The following MMP1 variants were observed in gnomAD, a reference collection of about 807,000 sequenced individuals.
MMP1 encodes the protein matrix metallopeptidase 1.
A neutral mutation model predicts 49.6 loss-of-function variants in MMP1; 51 were observed. The observed-to-expected ratio is 1.03, with a 90% CI of 0.82 to 1.30. MMP1 has a LOEUF of 1.30. Ranked by LOEUF, MMP1 falls within the 50% of genes most tolerant of loss-of-function variation. The pLI is 0.00. For missense variants in MMP1, 623 were observed against 568.7 expected, an observed-to-expected ratio of 1.10 and a Z score of -0.97; for synonymous variants, 230 against 196.8, an observed-to-expected ratio of 1.17 and a Z score of -1.41.
At position 102,794,865 on chromosome 11, in the gene MMP1, A is replaced by C. The variant is rs1029418370; in HGVS notation, c.899+309T>G. On this transcript the variant is annotated intron_variant, in intron 6 of 9. Coordinates refer to ENST00000315274, the MANE Select transcript of MMP1 (RefSeq NM_002421.4). The surrounding 1 kb of genome is among the most constrained non-coding windows in gnomAD (Gnocchi z 4.3). ...GAAGACCAATAACTGCTCTGCTACCAATGAGCTCTATGCCCCCAAAAGATC... is the reference window on the plus strand; with the variant it reads ...GAAGACCAATAACTGCTCTGCTACCCATGAGCTCTATGCCCCCAAAAGATC... 6.6e-6 allele frequency among the ~76,000 whole-genome samples: 1 copy of C among 152,206 alleles called. No individual in the cohort carries two copies. Among genetic ancestry groups the C allele is most frequent in the Non-Finnish European group, 1.5e-5 (1 of 68,032 alleles).
rs1857989873 is a variant in MMP1, at chr11:102,790,353, T to C, written c.*59A>G. On this transcript the variant is annotated 3_prime_UTR_variant, in exon 10 of 10. Coordinates refer to ENST00000315274, the MANE Select transcript of MMP1 (RefSeq NM_002421.4). ...AAATGACTGAGAAAATAGACAGTTCTTCAGGAAAACACCTTCTTTGGACTC... is the reference window on the plus strand; with the variant it reads ...AAATGACTGAGAAAATAGACAGTTCCTCAGGAAAACACCTTCTTTGGACTC... The C allele has an allele frequency of 1.0e-6, 1 of 1,003,478 alleles. No homozygotes were observed. 62.2% of individuals were successfully genotyped at this position (1,003,478 alleles called of 1,614,324 possible).
chr11:102,797,524 C>G, intron 1 of MMP1, 24 bp from the exon 2 acceptor site: 1 of 1,612,442 alleles, frequency 6.2e-7, no homozygotes, highest in Non-Finnish European at 8.5e-7. Context: ...ATTATCGAAA[C>G]ACTGCATGGG....
At chr11:102,791,542 A>G (rs777784065) in intron 7 of MMP1, 47 bp from the exon 8 acceptor site, 71 of 1,595,994 alleles carry the variant, frequency 4.4e-5, no homozygotes, top group Non-Finnish European at 5.7e-5. Flanking sequence ...AGACTTCAAT[A>G]GGCAGTAAGT....
Position 102,796,663 on chromosome 11 carries a change from C to T in MMP1, c.625+1G>A. On this transcript the variant is annotated splice_donor_variant, in intron 4 of 9. Transcript: ENST00000315274. LOFTEE classifies it high-confidence loss of function. ...GAGAGAGGCAAATTTGATTGGCTTA[C>T]CTCTGAAATTGTTGGTCCACCTTTC... 6.2e-7 allele frequency: 1 copy of T among 1,613,074 alleles called. No individual in the cohort carries two copies. The highest frequency in any genetic ancestry group is 8.5e-7 in the Non-Finnish European group (1 of 1,179,586).
chr11:102,795,496 A>T lies in MMP1; in HGVS notation c.737T>A (p.Val246Asp), dbSNP rs755625810. 2 of 1,614,106 alleles carry T rather than the reference A, an allele frequency of 1.2e-6. No individual in the cohort carries two copies. Among genetic ancestry groups the T allele is most frequent in the Non-Finnish European group, 1.7e-6 (2 of 1,180,020 alleles). ...ATCAATGTCATCCTGAGCTAGCTGA[A>T]CATCACCACTGAAGGTGTAGCTAGG... The part of the protein sequence containing the change: ...MYPSYTFSGD[V>D]QLAQDDIDGI... The change falls in exon 5 of 10, where the codon GTT becomes GAT. Residue 246 changes from valine to aspartate, a missense_variant. By Grantham distance (152) the Val-to-Asp change is radical. Coordinates refer to ENST00000315274, the MANE Select transcript of MMP1 (RefSeq NM_002421.4).
At chr11:102,790,657 A>T in intron 9 of MMP1, 46 bp downstream of exon 9, 2 of 1,406,818 alleles carry the variant, frequency 1.4e-6, no homozygotes, top group Non-Finnish European at 2.0e-6. Context: ...TAATGATGTT[A>T]TTGCTACGGC....
Position 102,797,476 on chromosome 11 carries a change from G to A in MMP1, c.130C>T (p.Leu44=). The A allele has an allele frequency of 6.2e-7, 1 of 1,614,130 alleles. No individual in the cohort carries two copies. Among genetic ancestry groups the A allele is most frequent in the Non-Finnish European group, 8.5e-7 (1 of 1,180,020 alleles). ...TCAACTTGCCTCCCATCATTCTTCA[G>A]GTTGTAGTATTTTTCCAGGTATTTC... The part of the protein sequence containing the change: ...VQKYLEKYYN[L]KNDGRQVEKR... Residue 44 remains leucine, a synonymous_variant, in exon 2 of 10, where the codon CTG becomes TTG. Coordinates refer to ENST00000315274, the MANE Select transcript of MMP1 (RefSeq NM_002421.4).
Position 102,791,437 on chromosome 11 carries a change from G to A in MMP1, c.1092C>T (p.Ile364=). The part of the protein sequence containing the change: ...QNVLHGYPKD[I]YSSFGFPRTV... ...TTCTAGGGAAGCCAAAGGAGCTGTA[G>A]ATGTCCTTGGGGTATCCGTGTAGCA... Residue 364 remains isoleucine (I), a synonymous_variant, in exon 8 of 10, where the codon ATC becomes ATT. Coordinates refer to ENST00000315274, the MANE Select transcript of MMP1 (RefSeq NM_002421.4). 6.2e-7 allele frequency: 1 copy of A among 1,614,016 alleles called. No homozygotes were observed. The highest frequency in any genetic ancestry group is 8.5e-7 in the Non-Finnish European group (1 of 1,179,872).
Position 102,791,446 on chromosome 11 carries a change from G to C in MMP1, c.1083C>G (p.Pro361=). Residue 361 remains proline (P), a synonymous_variant, in exon 8 of 10, where the codon CCC becomes CCG. Transcript: ENST00000315274. ...VQGQNVLHGY[P]KDIYSSFGFP... ...AGCCAAAGGAGCTGTAGATGTCCTTGGGGTATCCGTGTAGCACATTCTGTC... is the reference window on the plus strand; with the variant it reads ...AGCCAAAGGAGCTGTAGATGTCCTTCGGGTATCCGTGTAGCACATTCTGTC... 6.2e-7 allele frequency: 1 copy of C among 1,613,984 alleles called. No homozygotes were observed.
At chr11:102,791,156 G>A (rs1304905268) in intron 8 of MMP1, among the ~76,000 whole-genome samples, 177 bp downstream of exon 8, 1 of 152,188 alleles carries the variant, frequency 6.6e-6, no homozygotes, top group Admixed American at 6.5e-5. Flanking sequence ...GATTCCCAGT[G>A]CAGGCATTGT....
rs201210902 is a variant in MMP1, at chr11:102,791,492, T to G, written c.1037A>C (p.Asn346Thr). The G allele has an allele frequency of 1.1e-4, 183 of 1,612,040 alleles. No individual in the cohort carries two copies. The highest frequency in any genetic ancestry group is 9.9e-4 in the Middle Eastern group (6 of 6,072). ...CTGTCCCTGAACAGCCCAGTACTTATTCCCTGCCAATCAAGAAAGAGTGAT... is the reference window on the plus strand; with the variant it reads ...CTGTCCCTGAACAGCCCAGTACTTAGTCCCTGCCAATCAAGAAAGAGTGAT... ...DRDEVRFFKGNKYWAVQGQNV... is the reference protein window; with the variant it reads ...DRDEVRFFKGTKYWAVQGQNV... The change falls in exon 8 of 10, where the codon AAT becomes ACT. Residue 346 changes from asparagine (N) to threonine (T), a missense_variant. By Grantham distance (65) the Asn-to-Thr change is moderately conservative. Coordinates refer to ENST00000315274, the MANE Select transcript of MMP1 (RefSeq NM_002421.4).
intron 4 of MMP1, among the ~76,000 whole-genome samples, chr11:102,796,182 G>A (rs1039265568): frequency 1.6e-4 from 24 of 152,218 alleles, no homozygotes; most frequent in African/African-American, 4.3e-4. Context: ...AACTCCTGAC[G>A]TTGTGATCTG....
At position 102,792,601 on chromosome 11, in the gene MMP1, T is replaced by C. The variant is rs1210292312; in HGVS notation, c.1033+4A>G. On this transcript the variant is annotated splice_donor_region_variant and intron_variant, in intron 7 of 9. Transcript: ENST00000315274. Reference sequence around the variant, plus strand: ...AAGCAGTGAAAAATAATTAGAAAGATTACCTTTGAAAAACCGGACTTCATC... The same window carrying C: ...AAGCAGTGAAAAATAATTAGAAAGACTACCTTTGAAAAACCGGACTTCATC... 8.1e-6 allele frequency: 13 copies of C among 1,613,032 alleles called. No homozygotes were observed. Among genetic ancestry groups the C allele is most frequent in the Admixed American group, 1.7e-5 (1 of 59,942 alleles).
Position 102,790,496 on chromosome 11 carries a change from T to C in MMP1, c.1326A>G (p.Thr442=), listed in dbSNP as rs1857994706. The change falls in exon 10 of 10, where the codon ACA becomes ACG. Residue 442 remains threonine (T), a synonymous_variant. Coordinates refer to ENST00000315274, the MANE Select transcript of MMP1 (RefSeq NM_002421.4). ...TTTTAGGATCAAATTTGTATTGTCT[T>C]GTTCCATGAAAGAAATAGAAAAATC... is the stretch of plus-strand genomic sequence containing the variant. ...KDGFFYFFHG[T]RQYKFDPKTK... is the part of the protein sequence containing the mutation. 2 of 1,605,436 alleles carry C rather than the reference T, an allele frequency of 1.2e-6. No homozygotes were observed. The highest frequency in any genetic ancestry group is 8.5e-7 in the Non-Finnish European group (1 of 1,174,976).
At position 102,795,749 on chromosome 11, in the gene MMP1, T is replaced by C. The variant is rs1458373897; in HGVS notation, c.626-142A>G. Reference sequence around the variant, plus strand: ...TTGAAATATATGCATGTATATCTTTTTTCCGAAGGCAGAAGGCATGCATTT... The same window carrying C: ...TTGAAATATATGCATGTATATCTTTCTTCCGAAGGCAGAAGGCATGCATTT... On this transcript the variant is annotated intron_variant, in intron 4 of 9. Transcript: ENST00000315274. 26 of 688,430 alleles carry C rather than the reference T, an allele frequency of 3.8e-5. No individual in the cohort carries two copies. In the South Asian group the frequency reaches 6.1e-4, roughly 16 times the overall value. 42.6% of individuals were successfully genotyped at this position (688,430 alleles called of 1,614,324 possible).
rs570282864 is a variant in MMP1 at position 102,795,275 on chromosome 11, A to C, written c.798T>G (p.Pro266=). ...GGGTTTGTGGGCCGATGGGCTGGAC[A>C]GGATTTTGGGAACGTCCTAAGGAAA... ...IQAIYGRSQN[P]VQPIGPQTPK... The change falls in exon 6 of 10, where the codon CCT becomes CCG. Residue 266 remains proline (P), a synonymous_variant. Coordinates refer to ENST00000315274, the MANE Select transcript of MMP1 (RefSeq NM_002421.4). 1 of 1,614,094 alleles carries C rather than the reference A, an allele frequency of 6.2e-7. No homozygotes were observed. Among genetic ancestry groups the C allele is most frequent in the East Asian group, 2.2e-5 (1 of 44,884 alleles).
At chr11:102,795,770 C>A (rs1487339656) in intron 4 of MMP1, among the ~76,000 whole-genome samples, 163 bp from the exon 5 acceptor site, 1 of 152,086 alleles carries the variant, frequency 6.6e-6, no homozygotes, top group African/African-American at 2.4e-5. Context: ...AGAAGGCATG[C>A]ATTTATTAAT....
At position 102,797,223 on chromosome 11, in the gene MMP1, T is replaced by C. The variant is rs1039648745; in HGVS notation, c.350+33A>G. On this transcript the variant is annotated intron_variant, in intron 2 of 9. Transcript: ENST00000315274. ...GACTTCTTACCACTGTCATGGGAAA[T>C]AGCTCTCTCACTCTGGCCCTCAGTC... The C allele has an allele frequency of 1.9e-6, 3 of 1,613,534 alleles. No individual in the cohort carries two copies. The African/African-American group carries it at 4.0e-5, about 22-fold the overall frequency.
chr11:102,791,545 C>A, intron 7 of MMP1, 50 bp from the exon 8 acceptor site: 1 of 1,592,090 alleles, frequency 6.3e-7, no homozygotes, highest in Non-Finnish European at 8.6e-7. Context: ...CTTCAATAGG[C>A]AGTAAGTGAA....
Sources: allele counts gnomAD v4.1 joint callset (sites outside exome capture counted in the v4.1 genomes callset), GRCh38; gene constraint gnomAD v4.1.1; non-coding constraint Gnocchi (gnomAD v3.1); transcripts MANE v1.5; gene names NCBI Gene and HGNC (gene_info 2026-07-23, HGNC 2026-07-21).